ITPR1: variants seen among roughly 807,000 people sequenced by gnomAD.
The protein encoded by ITPR1 is inositol 1,4,5-trisphosphate-gated calcium channel ITPR1.
ITPR1 carries 96 observed loss-of-function variants against 318.4 expected under a neutral mutation model. The observed-to-expected ratio is 0.30, with a 90% CI of 0.26 to 0.36. The LOEUF (loss-of-function observed/expected upper bound fraction) is 0.36, where lower values mean the gene tolerates loss of function less well. Ranked by LOEUF, ITPR1 falls within the 10% of genes least tolerant of loss-of-function variation. ITPR1 has a pLI of 1.00. For synonymous variants in ITPR1, 1,312 were observed against 1,289.9 expected (o/e 1.02, Z -0.37); for missense variants, 2,440 against 3,460.2 (o/e 0.71, Z 7.40).
intron 14 of ITPR1, 41 bp from the exon 15 acceptor site, chr3:4,662,041 C>T (rs756540068): frequency 1.9e-5 from 29 of 1,563,726 alleles, no homozygotes; most frequent in Non-Finnish European, 2.5e-5. Flanking sequence ...TTATCCTTCC[C>T]ATCCAAGAGA....
At chr3:4,827,016 T>C (rs2050121878) in intron 60 of ITPR1, among the ~76,000 whole-genome samples, 1 of 152,218 alleles carries the variant, frequency 6.6e-6, no homozygotes, top group African/African-American at 2.4e-5. Context: ...TCACTGTGCA[T>C]GAAACCACTT....
At chr3:4,768,321 G>A (rs2125375804) in intron 45 of ITPR1, 190 bp from the exon 46 acceptor site, 2 of 574,182 alleles carry the variant, frequency 3.5e-6, no homozygotes, top group Non-Finnish European at 6.0e-6. Context: ...CACAAGTAAG[G>A]TGGCAGGGCC....
intron 44 of ITPR1, among the ~76,000 whole-genome samples, chr3:4,747,013 G>A (rs1559821917): frequency 6.6e-6 from 1 of 152,196 alleles, no homozygotes; most frequent in East Asian, 1.9e-4. Context: ...AGAAACATGA[G>A]GATGTGAAAT....
chr3:4,694,619 G>A (rs1475465809), intron 33 of ITPR1, among the ~76,000 whole-genome samples: 1 of 152,122 alleles, frequency 6.6e-6, no homozygotes, highest in East Asian at 1.9e-4. Context: ...ACAGCCTCTT[G>A]CTTCCAGGCT....
rs993802902 is a variant in ITPR1 at position 4,837,024 on chromosome 3, A to G, written c.8190+89A>G. 2.5e-6 allele frequency: 3 copies of G among 1,193,664 alleles called. No individual in the cohort carries two copies. The African/African-American group carries it at 4.6e-5, about 18-fold the overall frequency. 73.9% of individuals were successfully genotyped at this position (1,193,664 alleles called of 1,614,324 possible). On this transcript the variant is annotated intron_variant, in intron 61 of 61. Coordinates refer to ENST00000649015, the MANE Select transcript of ITPR1 (RefSeq NM_001378452.1). ...CACACCAAATCTGATGAGGAAAATC[A>G]GTAGTGCTTCATCTAGATGGAAAAG... is the stretch of plus-strand genomic sequence containing the variant.
chr3:4,781,808 C>T (rs775647683), intron 49 of ITPR1, among the ~76,000 whole-genome samples: 1 of 152,070 alleles, frequency 6.6e-6, no homozygotes, highest in African/African-American at 2.4e-5. Context: ...CATAGTGAGA[C>T]CTTGTGTTTA....
intron 2 of ITPR1, among the ~76,000 whole-genome samples, chr3:4,505,820 A>G (rs761444935): frequency 1.3e-5 from 2 of 152,116 alleles, no homozygotes; most frequent in Non-Finnish European, 2.9e-5. Flanking sequence ...AGTGGGGAAA[A>G]CATTGTTGGA....
chr3:4,694,286 A>C (rs1288234588), intron 33 of ITPR1, among the ~76,000 whole-genome samples: 1 of 136,740 alleles, frequency 7.3e-6, no homozygotes, highest in Admixed American at 6.9e-5. Context: ...CTGGATTATA[A>C]AGTATATATT....
At chr3:4,669,840 T>C in intron 19 of ITPR1, 67 bp downstream of exon 19, 2 of 1,437,820 alleles carry the variant, frequency 1.4e-6, no homozygotes, top group Non-Finnish European at 1.9e-6. Flanking sequence ...TCATGAGGAA[T>C]AAAACCTAGC....
chr3:4,763,619 T>G (rs1277800310), intron 44 of ITPR1, among the ~76,000 whole-genome samples: 2 of 152,250 alleles, frequency 1.3e-5, no homozygotes, highest in African/African-American at 4.8e-5. Flanking sequence ...ATTTTATTAT[T>G]TTATTGAGCA....
At chr3:4,594,086 G>T (rs759315737) in intron 4 of ITPR1, among the ~76,000 whole-genome samples, 1 of 152,162 alleles carries the variant, frequency 6.6e-6, no homozygotes, top group Admixed American at 6.5e-5. Flanking sequence ...TAGGTAGAAG[G>T]TAGACTTCGG....
intron 10 of ITPR1, among the ~76,000 whole-genome samples, chr3:4,646,506 CAG>C (rs2093461314): frequency 1.3e-5 from 2 of 152,270 alleles, no homozygotes; most frequent in Admixed American, 1.3e-4. Context: ...GGAAATTAAA[CAG>C]AACTGTTTTT....
chr3:4,652,308 G>A (rs1389281741), intron 11 of ITPR1, 90 bp downstream of exon 11: 3 of 897,810 alleles, frequency 3.3e-6, no homozygotes, highest in Admixed American at 2.2e-5. Flanking sequence ...GTTGTAAAAG[G>A]CTTAGGGAAA....
intron 60 of ITPR1, among the ~76,000 whole-genome samples, chr3:4,824,693 A>G (rs1349330585): frequency 6.6e-6 from 1 of 152,158 alleles, no homozygotes; most frequent in Non-Finnish European, 1.5e-5. Flanking sequence ...AGAGTGGGAA[A>G]GAGGATCTCC....
intron 17 of ITPR1, among the ~76,000 whole-genome samples, chr3:4,665,563 TA>T (rs1374285016): frequency 6.6e-6 from 1 of 152,220 alleles, no homozygotes; most frequent in Non-Finnish European, 1.5e-5. Context: ...TAGAATTTTT[TA>T]TGACGTATTC....
intron 30 of ITPR1, among the ~76,000 whole-genome samples, chr3:4,687,484 G>T (rs1303600518): frequency 1.3e-5 from 2 of 152,172 alleles, no homozygotes; most frequent in African/African-American, 4.8e-5. Flanking sequence ...TGGGATAAGA[G>T]TAGCGCAGTC....
At chr3:4,814,971 T>C in intron 58 of ITPR1, 82 bp from the exon 59 acceptor site, 1 of 1,125,146 alleles carries the variant, frequency 8.9e-7, no homozygotes, top group Non-Finnish European at 1.3e-6. Context: ...GTAGATGAGG[T>C]CTCACTTGAG....
chr3:4,709,248 C>T (rs1183221427), intron 37 of ITPR1, among the ~76,000 whole-genome samples: 1 of 152,164 alleles, frequency 6.6e-6, no homozygotes, highest in Non-Finnish European at 1.5e-5. Context: ...AAAGTACCGT[C>T]TTACAGTCTT....
chr3:4,586,006 G>A (rs1179914627), intron 4 of ITPR1, among the ~76,000 whole-genome samples: 2 of 149,860 alleles, frequency 1.3e-5, no homozygotes, highest in Non-Finnish European at 3.0e-5. Context: ...ACTTATGAGT[G>A]AGAACATGTA....
Sources: gnomAD v4.1 joint callset for allele counts (sites outside exome capture counted in the v4.1 genomes callset) on GRCh38, gnomAD v4.1.1 for gene constraint, MANE v1.5 for transcripts, NCBI Gene and HGNC (gene_info 2026-07-23, HGNC 2026-07-21) for gene names.